Variants in CDH13 observed in about 807,000 individuals in gnomAD.
CDH13 encodes the protein cadherin 13.
In CDH13, 24 loss-of-function variants were observed where a neutral mutation model predicts 63.8. That is an observed-to-expected ratio of 0.38 (90% confidence interval 0.27 to 0.53). The LOEUF (loss-of-function observed/expected upper bound fraction) is 0.53. Ranked by LOEUF, CDH13 falls within the 20% of genes least tolerant of loss-of-function variation. The pLI is 0.85. For synonymous variants in CDH13, 503 were observed against 355.3 expected (o/e 1.42, Z -4.67); for missense variants, 1,049 against 903.1 (o/e 1.16, Z -2.07).
chr16:83,591,666 G>T (rs1906766635), intron 7 of CDH13, among the ~76,000 whole-genome samples: 1 of 152,160 alleles, frequency 6.6e-6, no homozygotes, highest in African/African-American at 2.4e-5. Context: ...AAGCTCAGCT[G>T]CAGTCTTACA....
chr16:83,724,777 G>T (rs558448981), intron 10 of CDH13, among the ~76,000 whole-genome samples: 9 of 152,298 alleles, frequency 5.9e-5, no homozygotes, highest in Non-Finnish European at 1.3e-4. Context: ...TTGATGAAGT[G>T]TCAGCAGGGA....
chr16:83,239,093 A>G (rs1904292518), intron 5 of CDH13, among the ~76,000 whole-genome samples: 1 of 152,180 alleles, frequency 6.6e-6, no homozygotes, highest in South Asian at 2.1e-4. Flanking sequence ...CTGATGCTCT[A>G]CTTCCTACTC....
chr16:82,801,789 G>C (rs56306839), intron 1 of CDH13, among the ~76,000 whole-genome samples: 39,530 of 152,180 alleles, frequency 0.26, 6,048 homozygotes, highest in South Asian at 0.41. Context: ...ATCTATACAG[G>C]TGTAGATTGG....
At chr16:82,641,782 C>G (rs2150888717) in intron 1 of CDH13, among the ~76,000 whole-genome samples, 1 of 152,220 alleles carries the variant, frequency 6.6e-6, no homozygotes, top group Middle Eastern at 3.4e-3. Context: ...ACTGGGAATA[C>G]AGAAATGAGT....
rs569387296 is a variant in CDH13, at chr16:82,914,098, A to G, written c.157+55625A>G. Among the ~76,000 whole-genome samples, 458 of 152,266 alleles carry G rather than the reference A, an allele frequency of 3.0e-3. 1 individual carries two copies. The highest frequency in any genetic ancestry group is 4.7e-3 in the Non-Finnish European group (320 of 68,022). The stretch of plus-strand genomic sequence containing the variant: ...TCTGAGGAAGGGACGTACAGAAACC[A>G]GGACAGAACTCTAGCCATTATCTCC... On this transcript the variant is annotated intron_variant, in intron 2 of 13. Transcript: ENST00000567109.
At chr16:82,641,689 A>G (rs770404683) in intron 1 of CDH13, among the ~76,000 whole-genome samples, 1 of 152,232 alleles carries the variant, frequency 6.6e-6, no homozygotes, top group Non-Finnish European at 1.5e-5. Flanking sequence ...AGGCTGTCTA[A>G]ACAGTTACCC....
intron 1 of CDH13, among the ~76,000 whole-genome samples, chr16:82,680,459 T>C (rs1370731381): frequency 1.3e-5 from 2 of 150,272 alleles, no homozygotes; most frequent in Admixed American, 6.7e-5. Flanking sequence ...TAGCAATTGC[T>C]GTGTGGTTGA....
chr16:83,065,346 AAAGATGGGT>A (rs1357598798), intron 3 of CDH13, among the ~76,000 whole-genome samples: 3 of 152,194 alleles, frequency 2.0e-5, no homozygotes, highest in Non-Finnish European at 2.9e-5. Context: ...ATGCTGGTAC[AAAGATGGGT>A]AAGATGGGAT....
rs1358171420 is a variant in CDH13, at chr16:83,632,172, T to C, written c.1101+29578T>C. Reference sequence around the variant, plus strand: ...TTTCCTCATTGTTACTCCATCACACTGTCAGTTTGACTAGAAGGGCTGTTT... The same window carrying C: ...TTTCCTCATTGTTACTCCATCACACCGTCAGTTTGACTAGAAGGGCTGTTT... On this transcript the variant is annotated intron_variant, in intron 8 of 13. Coordinates refer to ENST00000567109, the MANE Select transcript of CDH13 (RefSeq NM_001257.5). Among the ~76,000 whole-genome samples the C allele has an allele frequency of 2.0e-5, 3 of 151,976 alleles. No homozygotes were observed. The East Asian group carries it at 5.8e-4, about 30-fold the overall frequency.
chr16:83,150,787 G>C (rs746575647), intron 4 of CDH13, among the ~76,000 whole-genome samples: 23 of 152,200 alleles, frequency 1.5e-4, no homozygotes, highest in Non-Finnish European at 2.8e-4. Flanking sequence ...AGGAATGCTT[G>C]AGCTGGATTT....
At chr16:83,002,224 G>T (rs1316063381) in intron 2 of CDH13, among the ~76,000 whole-genome samples, 4 of 152,172 alleles carry the variant, frequency 2.6e-5, no homozygotes, top group Admixed American at 2.6e-4. Context: ...TGGATTATCT[G>T]GGTGAGCCCT....
chr16:82,657,242 C>T (rs1402827500), intron 1 of CDH13, among the ~76,000 whole-genome samples: 2 of 152,102 alleles, frequency 1.3e-5, no homozygotes, highest in East Asian at 1.9e-4. Context: ...AGATGAACAA[C>T]AATTGCTCCA....
In CDH13 at chr16:83,437,679, A is replaced by C. The variant is rs538896125; in HGVS notation, c.782-48798A>C. On this transcript the variant is annotated intron_variant, in intron 6 of 13. Transcript: ENST00000567109. ...GAGACAGAGCAAGATCCTGTTCCAA[A>C]AAAATTAAATTAAAAAAAATAAAGG... Among the ~76,000 whole-genome samples the C allele has an allele frequency of 2.0e-5, 3 of 152,284 alleles. No homozygotes were observed. The East Asian group carries it at 5.8e-4, about 29-fold the overall frequency.
At chr16:82,946,944 A>T (rs539351187) in intron 2 of CDH13, among the ~76,000 whole-genome samples, 33 of 152,196 alleles carry the variant, frequency 2.2e-4, no homozygotes, top group Admixed American at 1.2e-3. Flanking sequence ...AACAGATTGG[A>T]TACATACAAT....
chr16:83,686,995 A>C (rs1055973660), intron 10 of CDH13, among the ~76,000 whole-genome samples: 1 of 152,150 alleles, frequency 6.6e-6, no homozygotes, highest in Non-Finnish European at 1.5e-5. Flanking sequence ...AGATCATTTG[A>C]GGTTAGGAAT....
intron 8 of CDH13, among the ~76,000 whole-genome samples, chr16:83,612,968 T>A (rs1469984130): frequency 1.3e-5 from 2 of 152,218 alleles, no homozygotes; most frequent in Non-Finnish European, 2.9e-5. Context: ...CCTTTTATTT[T>A]AAAAATACTG....
intron 1 of CDH13, among the ~76,000 whole-genome samples, chr16:82,708,598 G>A (rs1480364757): frequency 1.3e-5 from 2 of 152,062 alleles, no homozygotes; most frequent in Non-Finnish European, 2.9e-5. Context: ...AAAGCCAACT[G>A]GTATCTTCTT....
Position 83,048,193 on chromosome 16 carries a change from G to C in CDH13, c.366+15975G>C, listed in dbSNP as rs147749577. Among the ~76,000 whole-genome samples the C allele has an allele frequency of 4.2e-3, 642 of 152,262 alleles. 4 individuals are homozygous for C. The highest frequency in any genetic ancestry group is 6.4e-3 in the Non-Finnish European group (434 of 68,018). ...GATGGAGACCAAGATATGAACACAA[G>C]TTGGTTACTTTGAAACTTTCATAAC... On this transcript the variant is annotated intron_variant, in intron 3 of 13. Transcript: ENST00000567109.
intron 6 of CDH13, among the ~76,000 whole-genome samples, chr16:83,416,675 A>G (rs1359759102): frequency 3.9e-5 from 6 of 152,174 alleles, no homozygotes; most frequent in African/African-American, 7.2e-5. Flanking sequence ...AGCATCTCCA[A>G]GTAGATGTCC....
Sources: allele counts gnomAD v4.1 joint callset (sites outside exome capture counted in the v4.1 genomes callset), GRCh38; gene constraint gnomAD v4.1.1; transcripts MANE v1.5; gene names NCBI Gene and HGNC (gene_info 2026-07-23, HGNC 2026-07-21).